Variants in SLC41A2 observed in about 807,000 individuals in gnomAD.
SLC41A2 encodes the protein solute carrier family 41 member 2, also known as SLC41A1-like 1.
In SLC41A2, 32 loss-of-function variants were observed where a neutral mutation model predicts 58.3. The observed-to-expected ratio is 0.55, with a 90% confidence interval of 0.41 to 0.74. The LOEUF is 0.74. Ranked by LOEUF, SLC41A2 falls within the 30% of genes least tolerant of loss-of-function variation. The pLI is 0.00. For missense variants in SLC41A2, 514 were observed against 680.6 expected (o/e 0.76, Z 2.72); for synonymous variants, 190 against 235.0 (o/e 0.81, Z 1.75).
chr12:104,847,229 T>C (rs1426765561), intron 8 of SLC41A2, among the ~76,000 whole-genome samples: 1 of 151,892 alleles, frequency 6.6e-6, no homozygotes, highest in Non-Finnish European at 1.5e-5. Context: ...AGAGTGACTA[T>C]ATCAATATCA....
At position 104,945,032 on chromosome 12, in the gene SLC41A2, G is replaced by A. The variant is rs151219034; in HGVS notation, c.-168+13056C>T. ...ATAAAAATACAAAAATTAGGCAGGC[G>A]TGGTGGTGCACACCTGTAATCCCAG... is the stretch of plus-strand genomic sequence containing the variant. On this transcript the variant is annotated intron_variant, in intron 1 of 10. Transcript: ENST00000258538. Among the ~76,000 whole-genome samples, 1,146 of 151,842 alleles carry A rather than the reference G, an allele frequency of 7.5e-3. 19 individuals are homozygous for A. The highest frequency in any genetic ancestry group is 0.026 in the African/African-American group (1,064 of 41,400).
At chr12:104,931,887 T>C (rs2047066606) in intron 1 of SLC41A2, 1 of 152,258 alleles carries the variant, frequency 6.6e-6, no homozygotes, top group South Asian at 2.1e-4. Context: ...TCCATTCCTG[T>C]TCTTCCCAAC....
At chr12:104,855,736 G>A (rs2042995539) in intron 8 of SLC41A2, among the ~76,000 whole-genome samples, 1 of 152,056 alleles carries the variant, frequency 6.6e-6, no homozygotes, top group Non-Finnish European at 1.5e-5. Flanking sequence ...AATGCATCTT[G>A]AATTCAGAAG....
chr12:104,942,191 A>C (rs1012842141), intron 1 of SLC41A2, among the ~76,000 whole-genome samples: 1 of 152,120 alleles, frequency 6.6e-6, no homozygotes, highest in African/African-American at 2.4e-5. Context: ...CTTACAATTG[A>C]CATGTGGCTG....
chr12:104,920,295 A>T (rs1241330089), intron 2 of SLC41A2, among the ~76,000 whole-genome samples: 1 of 152,152 alleles, frequency 6.6e-6, no homozygotes, highest in African/African-American at 2.4e-5. Flanking sequence ...TTGGATATGA[A>T]TTTTAGAATA....
At chr12:104,882,113 T>G (rs544620308) in intron 6 of SLC41A2, among the ~76,000 whole-genome samples, 1 of 152,174 alleles carries the variant, frequency 6.6e-6, no homozygotes, top group African/African-American at 2.4e-5. Context: ...TTAAAGTCTG[T>G]TTTATCAGAG....
intron 8 of SLC41A2, among the ~76,000 whole-genome samples, chr12:104,847,027 A>G (rs2042621017): frequency 6.6e-6 from 1 of 152,220 alleles, no homozygotes; most frequent in African/African-American, 2.4e-5. Context: ...AGGAGTTAAG[A>G]AGTCATCAGA....
In SLC41A2 at chr12:104,844,607, C is replaced by T; in HGVS notation, c.1401G>A (p.Lys467=). 1.3e-6 allele frequency: 2 copies of T among 1,524,832 alleles called. No individual in the cohort carries two copies. Among genetic ancestry groups the T allele is most frequent in the Non-Finnish European group, 1.8e-6 (2 of 1,138,492 alleles). 94.5% of individuals were successfully genotyped at this position (1,524,832 alleles called of 1,614,324 possible). A position where few individuals can be genotyped will look rare whatever the true frequency, so the allele number is the denominator to read the frequency against. ...CTAAAAGCAGTAGAACTTGAGCAGA[C>T]TTATTATTTACTCCTGTAATATAAA... ...RTFFGPGVNN[K]SAQVLLLLVI... Residue 467 remains lysine, a synonymous_variant, in exon 10 of 11, where the codon AAG becomes AAA. Transcript: ENST00000258538.
chr12:104,813,185 GA>G (rs957883259), intron 10 of SLC41A2, among the ~76,000 whole-genome samples: 10 of 145,890 alleles, frequency 6.9e-5, no homozygotes, highest in African/African-American at 2.3e-4. Flanking sequence ...TCTCAAAAAA[GA>G]AAAAAAAATA....
At chr12:104,936,492 T>C (rs2047280037) in intron 1 of SLC41A2, among the ~76,000 whole-genome samples, 1 of 152,214 alleles carries the variant, frequency 6.6e-6, no homozygotes. Flanking sequence ...TGGACTCATG[T>C]GGCTGGGGAG....
intron 7 of SLC41A2, among the ~76,000 whole-genome samples, chr12:104,864,650 T>C (rs1196788154): frequency 1.3e-5 from 2 of 152,140 alleles, no homozygotes; most frequent in Non-Finnish European, 2.9e-5. Flanking sequence ...TCACCTCCTA[T>C]TGTCTATCTC....
intron 1 of SLC41A2, among the ~76,000 whole-genome samples, chr12:104,942,193 A>G (rs1024104689): frequency 6.6e-6 from 1 of 152,148 alleles, no homozygotes; most frequent in African/African-American, 2.4e-5. Context: ...TACAATTGAC[A>G]TGTGGCTGGG....
At chr12:104,914,770 T>G (rs2046237468) in intron 2 of SLC41A2, among the ~76,000 whole-genome samples, 1 of 152,254 alleles carries the variant, frequency 6.6e-6, no homozygotes, top group African/African-American at 2.4e-5. Context: ...CTTTACTTTC[T>G]GCATCTAAAA....
chr12:104,830,408 C>A (rs2041998972), intron 10 of SLC41A2, among the ~76,000 whole-genome samples: 1 of 152,218 alleles, frequency 6.6e-6, no homozygotes, highest in Non-Finnish European at 1.5e-5. Flanking sequence ...CAACACATCA[C>A]TTCACTCATG....
Position 104,895,267 on chromosome 12 carries a change from C to T in SLC41A2, c.735+7G>A. On this transcript the variant is annotated splice_region_variant and intron_variant, in intron 4 of 10. Coordinates refer to ENST00000258538, the MANE Select transcript of SLC41A2 (RefSeq NM_001352171.3). ...AAGATCTGTAAACAAATATGTGTACCACTTACCTGCTTTAAAGCCAAGTTG... is the reference window on the plus strand; with the variant it reads ...AAGATCTGTAAACAAATATGTGTACTACTTACCTGCTTTAAAGCCAAGTTG... The T allele has an allele frequency of 6.2e-7, 1 of 1,607,346 alleles. No homozygotes were observed. The highest frequency in any genetic ancestry group is 8.5e-7 in the Non-Finnish European group (1 of 1,174,294).
At chr12:104,820,996 G>A (rs1038022702) in intron 10 of SLC41A2, among the ~76,000 whole-genome samples, 18 of 152,076 alleles carry the variant, frequency 1.2e-4, no homozygotes, top group African/African-American at 1.4e-4. Context: ...GTTCTAATGC[G>A]AAAAGACAAA....
intron 6 of SLC41A2, among the ~76,000 whole-genome samples, chr12:104,872,956 T>A (rs1268928954): frequency 2.0e-5 from 3 of 152,220 alleles, no homozygotes; most frequent in Admixed American, 6.5e-5. Flanking sequence ...GATATATAGT[T>A]AAGTGGTTAC....
intron 1 of SLC41A2, among the ~76,000 whole-genome samples, chr12:104,947,178 T>C (rs2047749530): frequency 6.6e-6 from 1 of 150,764 alleles, no homozygotes. Context: ...ACTGAATTTC[T>C]GGCTTTTATT....
intron 6 of SLC41A2, among the ~76,000 whole-genome samples, chr12:104,873,497 A>G (rs1223598756): frequency 1.3e-5 from 2 of 152,210 alleles, no homozygotes; most frequent in Non-Finnish European, 2.9e-5. Flanking sequence ...ATGGGAGTGC[A>G]AATATCTCTG....
Sources: gnomAD v4.1 joint callset for allele counts (sites outside exome capture counted in the v4.1 genomes callset) on GRCh38, gnomAD v4.1.1 for gene constraint, MANE v1.5 for transcripts, NCBI Gene and HGNC (gene_info 2026-07-23, HGNC 2026-07-21) for gene names.